HEATR5B: variants seen among roughly 807,000 people sequenced by gnomAD.
The protein encoded by HEATR5B is HEAT repeat-containing protein 5B.
In HEATR5B, 156 loss-of-function variants were observed where a neutral mutation model predicts 224.1. That is an observed-to-expected ratio of 0.70 (90% CI 0.61 to 0.80). The LOEUF (loss-of-function observed/expected upper bound fraction) is 0.80, where lower values mean the gene tolerates loss of function less well. HEATR5B is among the 30% of genes least tolerant of loss of function. HEATR5B has a pLI of 0.00. For missense variants in HEATR5B, 2,323 were observed against 2,535.5 expected (o/e 0.92, Z 1.80); for synonymous variants, 1,027 against 893.0 (o/e 1.15, Z -2.68).
intron 33 of HEATR5B, among the ~76,000 whole-genome samples, chr2:36,991,638 T>C (rs1182707620): frequency 6.6e-6 from 1 of 152,098 alleles, no homozygotes; most frequent in African/African-American, 2.4e-5. Context: ...ACTAGAAATA[T>C]GAACATTTAT....
chr2:37,002,068 G>C (rs1667124572), intron 32 of HEATR5B, among the ~76,000 whole-genome samples: 1 of 152,094 alleles, frequency 6.6e-6, no homozygotes, highest in Admixed American at 6.5e-5. Flanking sequence ...TCCTCAACCT[G>C]TAGTTCCATG....
chr2:37,034,710 G>A (rs941245145), intron 21 of HEATR5B, among the ~76,000 whole-genome samples: 4 of 149,062 alleles, frequency 2.7e-5, no homozygotes, highest in East Asian at 4.1e-4. Context: ...GGGCTCAAGC[G>A]ATCCTCTCGC....
intron 20 of HEATR5B, 98 bp from the exon 21 acceptor site, chr2:37,038,122 C>A: frequency 1.2e-6 from 1 of 835,166 alleles, no homozygotes; most frequent in East Asian, 3.2e-5. Flanking sequence ...ACCATTCTAT[C>A]CAATTATTAT....
Position 37,056,459 on chromosome 2 carries a change from G to C in HEATR5B, c.2380C>G (p.His794Asp), listed in dbSNP as rs764423931. The change falls in exon 16 of 36, where the codon CAT (histidine) becomes GAT (aspartate). Residue 794 changes from histidine (H) to aspartate (D), a missense_variant. His to Asp is a moderately conservative substitution (Grantham distance 81). Around this residue, in one of 12 missense-constraint regions of HEATR5B, gnomAD observed 170 missense variants for 216.7 expected, o/e 0.78. Transcript: ENST00000233099. ...ACTAACCGGTGTTTATAAGAAACAT[G>C]AGGAAACACTACACCAAAAAGGGCC... Reference protein sequence around the residue: ...SVALFGVVFPHVSYKHRLQML... With the variant: ...SVALFGVVFPDVSYKHRLQML... 1 of 1,605,136 alleles carries C rather than the reference G, an allele frequency of 6.2e-7. No homozygotes were observed. Among genetic ancestry groups the C allele is most frequent in the East Asian group, 2.2e-5 (1 of 44,732 alleles).
chr2:36,995,439 C>T (rs1300365978), intron 33 of HEATR5B, among the ~76,000 whole-genome samples: 1 of 152,020 alleles, frequency 6.6e-6, no homozygotes, highest in East Asian at 1.9e-4. Context: ...TTTAATGTTT[C>T]TTCAGTTTGT....
chr2:37,051,451 T>C (rs1670544393), intron 17 of HEATR5B, among the ~76,000 whole-genome samples: 1 of 152,088 alleles, frequency 6.6e-6, no homozygotes, highest in Non-Finnish European at 1.5e-5. Context: ...CTCTTTGTTC[T>C]AGCTGTACTT....
chr2:37,054,118 TG>T (rs1431591840), intron 16 of HEATR5B, among the ~76,000 whole-genome samples: 2 of 151,608 alleles, frequency 1.3e-5, no homozygotes, highest in East Asian at 1.9e-4. Flanking sequence ...AGAAGTGAAT[TG>T]TTTTTTATAT....
intron 24 of HEATR5B, among the ~76,000 whole-genome samples, chr2:37,026,312 C>T (rs62133108): frequency 0.18 from 27,421 of 152,106 alleles, 3,190 homozygotes; most frequent in East Asian, 0.52. Context: ...GTTAGCCCAG[C>T]GAGACTCTTG....
In HEATR5B at chr2:37,065,590, C is replaced by A. The variant is rs537846494; in HGVS notation, c.1333+165G>T. Among the ~76,000 whole-genome samples, 4 of 152,180 alleles carry A rather than the reference C, an allele frequency of 2.6e-5. No individual in the cohort carries two copies. In the South Asian group the frequency reaches 8.3e-4, roughly 32 times the overall value. ...TCCCAAAGTGCTAGGATTATAGGCA[C>A]GAGCCACCACGCCCAGCCTATCACA... is the stretch of plus-strand genomic sequence containing the variant. On this transcript the variant is annotated intron_variant, in intron 9 of 35. Transcript: ENST00000233099.
At chr2:37,037,122 C>A (rs1669529680) in intron 21 of HEATR5B, among the ~76,000 whole-genome samples, 1 of 94,642 alleles carries the variant, frequency 1.1e-5, no homozygotes, top group East Asian at 3.3e-4. Context: ...AAATAAAATT[C>A]CGAGTAGGAA....
rs1447389656 is a variant in HEATR5B, at chr2:37,059,432, GTGTGTGTGTGTGTGTA to G, written c.1850-461_1850-446del. ...TGTGTGTGTGTGTGTGTGTGTGTGT[GTGTGTGTGTGTGTGTA>G]TATATATATATATATATTTTTTTTT... is the stretch of plus-strand genomic sequence containing the variant. On this transcript the variant is annotated intron_variant, in intron 12 of 35. Coordinates refer to ENST00000233099, the MANE Select transcript of HEATR5B (RefSeq NM_019024.3). Among the ~76,000 whole-genome samples the G allele has an allele frequency of 3.9e-3, 323 of 82,148 alleles. 6 individuals are homozygous for G. Among genetic ancestry groups the G allele is most frequent in the Admixed American group, 6.1e-3 (46 of 7,530 alleles). The allele number at this position is 82,148 out of a possible 152,430, so 53.9% of individuals were successfully genotyped here. A position where few individuals can be genotyped will look rare whatever the true frequency, so the allele number is the denominator to read the frequency against.
At chr2:37,082,086 T>TTTTTTTTTTTTTTTTTTTTTGTTTTC (rs371663046) in intron 2 of HEATR5B, among the ~76,000 whole-genome samples, 1 of 55,978 alleles carries the variant, frequency 1.8e-5, no homozygotes, top group Non-Finnish European at 3.4e-5. Context: ...TTTTTTTTTT[T>TTTTTTTTTTTTTTTTTTTTTGTTTTC]CAGATGGAGT....
intron 35 of HEATR5B, among the ~76,000 whole-genome samples, chr2:36,982,838 CAT>C (rs1332618842): frequency 9.0e-5 from 13 of 144,386 alleles, no homozygotes; most frequent in African/African-American, 3.3e-4. Context: ...CACAAAGATA[CAT>C]GTCTACATAT....
chr2:37,030,732 G>A (rs1376783274), intron 22 of HEATR5B, among the ~76,000 whole-genome samples: 1 of 152,192 alleles, frequency 6.6e-6, no homozygotes, highest in Non-Finnish European at 1.5e-5. Context: ...ACTTGCAATT[G>A]TTAAATCACT....
chr2:37,050,684 T>C (rs1033786761), intron 17 of HEATR5B, among the ~76,000 whole-genome samples: 4 of 152,112 alleles, frequency 2.6e-5, no homozygotes, highest in East Asian at 1.9e-4. Flanking sequence ...AACTGAATAG[T>C]TTATATAAAA....
intron 22 of HEATR5B, among the ~76,000 whole-genome samples, chr2:37,029,314 T>C (rs1430392194): frequency 1.3e-5 from 2 of 152,234 alleles, no homozygotes; most frequent in African/African-American, 4.8e-5. Flanking sequence ...AAAATTTTTA[T>C]AAAGCCAGAA....
intron 22 of HEATR5B, among the ~76,000 whole-genome samples, chr2:37,031,715 T>C (rs892962282): frequency 1.3e-5 from 2 of 152,198 alleles, no homozygotes; most frequent in Non-Finnish European, 2.9e-5. Context: ...AAAGTTCTTA[T>C]GCTATGCTAC....
intron 26 of HEATR5B, among the ~76,000 whole-genome samples, chr2:37,016,958 T>C (rs1011968392): frequency 3.9e-5 from 6 of 151,958 alleles, no homozygotes; most frequent in Non-Finnish European, 8.8e-5. Context: ...AATATGAACA[T>C]GAAAAGAAAG....
chr2:37,016,214 GC>G (rs1668108686), intron 26 of HEATR5B, among the ~76,000 whole-genome samples: 1 of 150,018 alleles, frequency 6.7e-6, no homozygotes, highest in South Asian at 2.1e-4. Context: ...CCAGGTTCAT[GC>G]CATTCTCTTG....
Sources: gnomAD v4.1 joint callset for allele counts (sites outside exome capture counted in the v4.1 genomes callset) on GRCh38, gnomAD v4.1.1 for gene constraint, gnomAD v4.1.1 regional missense constraint, MANE v1.5 for transcripts, NCBI Gene and HGNC (gene_info 2026-07-23, HGNC 2026-07-21) for gene names.